The following KCNH7 variants were observed in gnomAD, a reference collection of about 807,000 sequenced individuals.
KCNH7 encodes potassium voltage-gated channel subfamily H member 7.
KCNH7 carries 49 observed loss-of-function variants against 120.8 expected under a neutral mutation model. The observed-to-expected ratio is 0.41, with a 90% CI of 0.32 to 0.51. KCNH7 has a LOEUF of 0.51. KCNH7 is among the 20% of genes least tolerant of loss of function. The pLI is 0.38. For synonymous variants in KCNH7, 547 were observed against 516.1 expected, an observed-to-expected ratio of 1.06 and a Z score of -0.81; for missense variants, 1,097 against 1,446.6, an observed-to-expected ratio of 0.76 and a Z score of 3.92.
chr2:162,725,513 G>T (rs146099593), intron 2 of KCNH7, among the ~76,000 whole-genome samples: 40 of 152,104 alleles, frequency 2.6e-4, no homozygotes, highest in African/African-American at 9.6e-4. Context: ...TTTTACCAAA[G>T]GTACTCTATA....
intron 6 of KCNH7, among the ~76,000 whole-genome samples, chr2:162,504,025 A>T (rs1254606322): frequency 6.6e-6 from 1 of 152,034 alleles, no homozygotes; most frequent in African/African-American, 2.4e-5. Flanking sequence ...ATCTGACTCT[A>T]TTTAGTAGAG....
chr2:162,453,279 C>G (rs945683494), intron 6 of KCNH7, among the ~76,000 whole-genome samples: 5 of 152,188 alleles, frequency 3.3e-5, no homozygotes, highest in Admixed American at 6.6e-5. Flanking sequence ...CATGTCCCTG[C>G]AAAGGATATG....
chr2:162,715,294 T>G (rs1271135138), intron 2 of KCNH7, among the ~76,000 whole-genome samples: 1 of 152,060 alleles, frequency 6.6e-6, no homozygotes, highest in African/African-American at 2.4e-5. Context: ...AGTGGGTAAG[T>G]GCCACACACT....
At chr2:162,519,124 C>T (rs557609573) in intron 3 of KCNH7, among the ~76,000 whole-genome samples, 38 of 151,684 alleles carry the variant, frequency 2.5e-4, no homozygotes, top group Admixed American at 1.9e-3. Flanking sequence ...GACATTTTGG[C>T]GGTGGGATTG....
chr2:162,449,055 A>G (rs528705357), intron 6 of KCNH7, among the ~76,000 whole-genome samples: 1 of 152,094 alleles, frequency 6.6e-6, no homozygotes, highest in African/African-American at 2.4e-5. Context: ...AGCAGAGGGG[A>G]CAGAATGAAC....
intron 2 of KCNH7, among the ~76,000 whole-genome samples, chr2:162,686,120 A>T (rs1032043915): frequency 6.6e-6 from 1 of 152,102 alleles, no homozygotes; most frequent in Admixed American, 6.6e-5. Flanking sequence ...CAATGGCATT[A>T]CCATCTGAAG....
chr2:162,606,397 C>A (rs1027192685), intron 2 of KCNH7, among the ~76,000 whole-genome samples: 1 of 152,138 alleles, frequency 6.6e-6, no homozygotes, highest in African/African-American at 2.4e-5. Context: ...TAATTAAAAT[C>A]ATCATTGATT....
chr2:162,834,562 G>C (rs1036755837), intron 2 of KCNH7, among the ~76,000 whole-genome samples: 1 of 151,930 alleles, frequency 6.6e-6, no homozygotes, highest in African/African-American at 2.4e-5. Context: ...CTGAAAACAG[G>C]GGAGTTTTAA....
chr2:162,545,265 A>G (rs1179880164), intron 2 of KCNH7, among the ~76,000 whole-genome samples: 1 of 152,214 alleles, frequency 6.6e-6, no homozygotes, highest in Non-Finnish European at 1.5e-5. Context: ...TGCAAAAACA[A>G]GTAAATATAC....
rs1271455747 is a variant in KCNH7 at position 162,476,837 on chromosome 2, T to C, written c.1128+27606A>G. Among the ~76,000 whole-genome samples the C allele has an allele frequency of 2.6e-5, 4 of 152,304 alleles. No individual in the cohort carries two copies. The East Asian group carries it at 7.7e-4, about 29-fold the overall frequency. On this transcript the variant is annotated intron_variant, in intron 6 of 15. Coordinates refer to ENST00000332142, the MANE Select transcript of KCNH7 (RefSeq NM_033272.4). ...ACTAAGATTCTATTGTTACCTCCAG[T>C]GGAAACACAGCTTCTCAGATGTTAA...
intron 8 of KCNH7, among the ~76,000 whole-genome samples, chr2:162,431,641 C>A (rs148701301): frequency 6.6e-5 from 10 of 151,696 alleles, no homozygotes; most frequent in African/African-American, 2.2e-4. Flanking sequence ...TGTATAGAAC[C>A]AAGTCTTATA....
chr2:162,571,099 T>C (rs1177577836), intron 2 of KCNH7, among the ~76,000 whole-genome samples: 1 of 151,826 alleles, frequency 6.6e-6, no homozygotes, highest in Non-Finnish European at 1.5e-5. Context: ...AAAGAGGAAG[T>C]CAAATTGTCC....
chr2:162,477,645 T>C (rs571295258), intron 6 of KCNH7, among the ~76,000 whole-genome samples: 23 of 152,332 alleles, frequency 1.5e-4, no homozygotes, highest in African/African-American at 4.6e-4. Flanking sequence ...AATATTTTGT[T>C]CTAATACTTA....
intron 6 of KCNH7, among the ~76,000 whole-genome samples, chr2:162,470,741 G>C (rs1454909266): frequency 6.6e-6 from 1 of 152,238 alleles, no homozygotes; most frequent in Non-Finnish European, 1.5e-5. Flanking sequence ...CCGTCTGGGA[G>C]GTGTACCCAA....
intron 6 of KCNH7, among the ~76,000 whole-genome samples, chr2:162,462,551 G>A (rs1689181134): frequency 1.3e-5 from 2 of 151,944 alleles, no homozygotes; most frequent in South Asian, 4.1e-4. Context: ...GAGAGAGAGA[G>A]AGAGAGAGAG....
At chr2:162,491,773 A>G (rs1003107232) in intron 6 of KCNH7, among the ~76,000 whole-genome samples, 3 of 152,192 alleles carry the variant, frequency 2.0e-5, no homozygotes, top group African/African-American at 7.2e-5. Flanking sequence ...TGCTAGGAAG[A>G]GAAAGGACCT....
At chr2:162,470,521 G>A (rs368019183) in intron 6 of KCNH7, among the ~76,000 whole-genome samples, 19 of 151,238 alleles carry the variant, frequency 1.3e-4, no homozygotes, top group South Asian at 1.1e-3. Context: ...CAGCCACCCC[G>A]TCTAGGAAGT....
intron 12 of KCNH7, among the ~76,000 whole-genome samples, chr2:162,390,787 G>T (rs78161175): frequency 3.3e-5 from 5 of 151,786 alleles, no homozygotes; most frequent in Non-Finnish European, 7.4e-5. Context: ...AGGGAAGTGG[G>T]ATTTTTCCTT....
At position 162,397,151 on chromosome 2, in the gene KCNH7, G is replaced by C. The variant is rs180984281; in HGVS notation, c.2408-206C>G. 3.3e-5 allele frequency among the ~76,000 whole-genome samples: 5 copies of C among 151,790 alleles called. No homozygotes were observed. In the East Asian group the frequency reaches 9.8e-4, roughly 30 times the overall value. On this transcript the variant is annotated intron_variant, in intron 10 of 15. Transcript: ENST00000332142. Reference sequence around the variant, plus strand: ...GGGTGATTGGTCCTTTTATTTCCTTGCTTTGGTTACTTGACTAAGCATCTA... The same window carrying C: ...GGGTGATTGGTCCTTTTATTTCCTTCCTTTGGTTACTTGACTAAGCATCTA...
Sources: gnomAD v4.1 joint callset for allele counts (sites outside exome capture counted in the v4.1 genomes callset) on GRCh38, gnomAD v4.1.1 for gene constraint, MANE v1.5 for transcripts, NCBI Gene and HGNC (gene_info 2026-07-23, HGNC 2026-07-21) for gene names.